Variants in RIPOR3 observed in about 807,000 individuals in gnomAD.
RIPOR3 encodes the protein RIPOR family member 3, also known as family with sequence similarity 65 member C.
A neutral mutation model predicts 114.3 loss-of-function variants in RIPOR3; 95 were observed. The observed-to-expected ratio is 0.83, with a 90% confidence interval of 0.70 to 0.99. The LOEUF is 0.99. Among genes scored for constraint, RIPOR3 ranks in the 50% least tolerant of loss-of-function variants. The pLI is 0.00. For synonymous variants in RIPOR3, 575 were observed against 543.8 expected, an observed-to-expected ratio of 1.06 and a Z score of -0.80; for missense variants, 1,252 against 1,266.9, an observed-to-expected ratio of 0.99 and a Z score of 0.18.
intron 1 of RIPOR3, among the ~76,000 whole-genome samples, chr20:50,658,723 T>C (rs1198069790): frequency 6.6e-6 from 1 of 152,030 alleles, no homozygotes; most frequent in East Asian, 1.9e-4. Context: ...AAAATTATAA[T>C]CAATCTTTAC....
chr20:50,637,333 A>G (rs905457000), intron 1 of RIPOR3, among the ~76,000 whole-genome samples: 1 of 151,946 alleles, frequency 6.6e-6, no homozygotes, highest in Non-Finnish European at 1.5e-5. Flanking sequence ...TCTGCCTGGC[A>G]CACGCCTCCC....
intron 1 of RIPOR3, chr20:50,636,577 A>G: frequency 2.0e-6 from 2 of 985,652 alleles, no homozygotes; most frequent in Non-Finnish European, 2.4e-6. Context: ...TGCAGTTCCC[A>G]AACCTTTGGT....
chr20:50,593,669 G>A (rs2083188137), intron 17 of RIPOR3, among the ~76,000 whole-genome samples: 1 of 152,094 alleles, frequency 6.6e-6, no homozygotes, highest in Non-Finnish European at 1.5e-5. Context: ...AGTCAGGACT[G>A]TGACTCCAAC....
At chr20:50,660,748 CCTT>C (rs994454318) in intron 1 of RIPOR3, among the ~76,000 whole-genome samples, 2 of 127,666 alleles carry the variant, frequency 1.6e-5, no homozygotes, top group South Asian at 2.7e-4. Context: ...CTGGGATTTA[CCTT>C]TTTTTTTTTT....
chr20:50,639,361 T>C (rs1416698842), intron 1 of RIPOR3, among the ~76,000 whole-genome samples: 1 of 152,080 alleles, frequency 6.6e-6, no homozygotes, highest in Non-Finnish European at 1.5e-5. Flanking sequence ...ACCCAGGAAG[T>C]CTGGCCTCAA....
intron 20 of RIPOR3, among the ~76,000 whole-genome samples, chr20:50,589,084 GAAAAAAAAAAAA>G (rs529410533): frequency 0.42 from 37,732 of 90,702 alleles, 5,205 homozygotes; most frequent in Middle Eastern, 0.61. Context: ...TCCATCTCAA[GAAAAAAAAAAAA>G]AAAAAAAAAA....
intron 2 of RIPOR3, among the ~76,000 whole-genome samples, chr20:50,627,657 C>G (rs1287953458): frequency 1.3e-5 from 2 of 151,490 alleles, no homozygotes; most frequent in African/African-American, 4.9e-5. Flanking sequence ...CACTCCAGCC[C>G]GGGCGAGAGA....
rs1449592291 is a variant in RIPOR3, at chr20:50,602,421, C to T, written c.1310G>A (p.Gly437Asp). Reference sequence around the variant, plus strand: ...CTCCTCTTCAATGGAGGCGTGGGGACCGAAGGTCAAGGGCAGGAAGCCCAC... The same window carrying T: ...CTCCTCTTCAATGGAGGCGTGGGGATCGAAGGTCAAGGGCAGGAAGCCCAC... ...SDVGFLPLTF[G>D]PHASIEEEAR... Residue 437 changes from glycine to aspartate, a missense_variant, in exon 13 of 22, where the codon GGT becomes GAT. By Grantham distance (94) the Gly-to-Asp change is moderately conservative. Transcript: ENST00000327979. This position sits in a 1 kb window ranked among gnomAD's most constrained non-coding sequence, Gnocchi z 4.3. The T allele has an allele frequency of 3.7e-6, 6 of 1,601,998 alleles. No homozygotes were observed. The highest frequency in any genetic ancestry group is 5.1e-6 in the Non-Finnish European group (6 of 1,173,306).
chr20:50,639,010 G>A (rs1008099828), intron 1 of RIPOR3, among the ~76,000 whole-genome samples: 1 of 152,202 alleles, frequency 6.6e-6, no homozygotes, highest in East Asian at 1.9e-4. Flanking sequence ...GGGAGGCCAA[G>A]GTGGGTGGAT....
At chr20:50,650,937 C>T (rs2085579622) in intron 1 of RIPOR3, among the ~76,000 whole-genome samples, 2 of 152,006 alleles carry the variant, frequency 1.3e-5, no homozygotes, top group Admixed American at 6.6e-5. Context: ...TGGGCCTGAC[C>T]TAATCAGAGA....
intron 13 of RIPOR3, among the ~76,000 whole-genome samples, chr20:50,601,750 A>G (rs1243762502): frequency 3.3e-5 from 5 of 152,118 alleles, no homozygotes; most frequent in African/African-American, 1.2e-4. Context: ...CGACCCTGAC[A>G]ACACTCCAAG....
At chr20:50,649,273 C>T (rs577063150) in intron 1 of RIPOR3, among the ~76,000 whole-genome samples, 10 of 152,208 alleles carry the variant, frequency 6.6e-5, no homozygotes, top group East Asian at 5.8e-4. Context: ...GGCGAAACCC[C>T]GTCTCTACTA....
chr20:50,591,083 C>T (rs936872022), intron 19 of RIPOR3, among the ~76,000 whole-genome samples: 1 of 151,980 alleles, frequency 6.6e-6, no homozygotes, highest in Non-Finnish European at 1.5e-5. Context: ...AACCTGGGAT[C>T]GATCAAATTA....
In RIPOR3 at chr20:50,612,696, T is replaced by C. The variant is rs915215474; in HGVS notation, c.349-1492A>G. Among the ~76,000 whole-genome samples the C allele has an allele frequency of 2.6e-5, 4 of 152,030 alleles. 1 individual carries two copies. The highest frequency in any genetic ancestry group is 2.0e-4 in the Admixed American group (3 of 15,270). On this transcript the variant is annotated intron_variant, in intron 4 of 21. Transcript: ENST00000327979. The stretch of plus-strand genomic sequence containing the variant: ...GTTAAACGGGATGGGACACGGAAGA[T>C]TGAATAGAGGAGGGCGTCAATCGAG...
At chr20:50,590,244 CAT>C (rs1481817056) in intron 19 of RIPOR3, among the ~76,000 whole-genome samples, 1 of 152,228 alleles carries the variant, frequency 6.6e-6, no homozygotes, top group Non-Finnish European at 1.5e-5. Flanking sequence ...GTCTCACGAC[CAT>C]GGCCACATCA....
At chr20:50,632,414 G>A (rs2084848228) in intron 1 of RIPOR3, among the ~76,000 whole-genome samples, 1 of 152,196 alleles carries the variant, frequency 6.6e-6, no homozygotes, top group Admixed American at 6.5e-5. Context: ...TGTGCAATTG[G>A]CTAAGACCCC....
intron 1 of RIPOR3, among the ~76,000 whole-genome samples, chr20:50,665,299 A>T (rs1053273621): frequency 2.7e-5 from 4 of 150,468 alleles, no homozygotes; most frequent in Admixed American, 1.3e-4. Context: ...AAAAAAAAAA[A>T]TGCTGGACGT....
chr20:50,627,662 G>A (rs767609900), intron 2 of RIPOR3, among the ~76,000 whole-genome samples: 9 of 151,946 alleles, frequency 5.9e-5, no homozygotes, highest in African/African-American at 1.7e-4. Flanking sequence ...CAGCCCGGGC[G>A]AGAGAGAGAA....
chr20:50,644,162 GTT>G (rs1460069962), intron 1 of RIPOR3, among the ~76,000 whole-genome samples: 6 of 151,888 alleles, frequency 4.0e-5, no homozygotes, highest in African/African-American at 1.5e-4. Flanking sequence ...ATGTCCCTTA[GTT>G]TGTCACTATA....
Sources: gnomAD v4.1 joint callset for allele counts (sites outside exome capture counted in the v4.1 genomes callset) on GRCh38, gnomAD v4.1.1 for gene constraint, Gnocchi (gnomAD v3.1) non-coding constraint, MANE v1.5 for transcripts, NCBI Gene and HGNC (gene_info 2026-07-23, HGNC 2026-07-21) for gene names.